NRG1: variants seen among roughly 807,000 people sequenced by gnomAD.
NRG1 encodes the protein neuregulin 1.
Under a neutral mutation model 63.8 loss-of-function variants are expected in NRG1, and 18 were observed. That is an observed-to-expected ratio of 0.28 (90% CI 0.19 to 0.42). The LOEUF is 0.42. Among genes scored for constraint, NRG1 ranks in the 10% least tolerant of loss-of-function variants. The pLI is 1.00. For synonymous variants in NRG1, 302 were observed against 301.3 expected (o/e 1.00, Z -0.02); for missense variants, 762 against 814.7 (o/e 0.94, Z 0.79).
At chr8:32,314,727 T>A (rs1404952521) in intron 1 of NRG1, among the ~76,000 whole-genome samples, 1 of 152,206 alleles carries the variant, frequency 6.6e-6, no homozygotes, top group Non-Finnish European at 1.5e-5. Context: ...GAGGAATGGC[T>A]GTATCTCTTC....
intron 1 of NRG1, among the ~76,000 whole-genome samples, chr8:31,692,062 G>A (rs1052893608): frequency 5.3e-5 from 8 of 152,064 alleles, no homozygotes; most frequent in African/African-American, 1.7e-4. Context: ...CGAACTTCTG[G>A]GCTCAAGCAA....
intron 1 of NRG1, among the ~76,000 whole-genome samples, chr8:32,019,932 C>A (rs1277397508): frequency 1.3e-5 from 2 of 152,176 alleles, no homozygotes; most frequent in African/African-American, 4.8e-5. Context: ...ACTCCTCCAG[C>A]TTCTTGTACA....
intron 1 of NRG1, among the ~76,000 whole-genome samples, chr8:32,565,454 T>C (rs1837275537): frequency 6.6e-6 from 1 of 152,148 alleles, no homozygotes; most frequent in African/African-American, 2.4e-5. Flanking sequence ...TGGACCTTCT[T>C]TCTCTGAACA....
At chr8:31,811,752 G>T (rs528720249) in intron 1 of NRG1, among the ~76,000 whole-genome samples, 1 of 152,246 alleles carries the variant, frequency 6.6e-6, no homozygotes, top group East Asian at 1.9e-4. Context: ...ATGGGTTTGA[G>T]GGTGGAAAAG....
At chr8:31,764,318 G>T (rs1054484514) in intron 1 of NRG1, among the ~76,000 whole-genome samples, 1 of 152,106 alleles carries the variant, frequency 6.6e-6, no homozygotes, top group Non-Finnish European at 1.5e-5. Context: ...TATTGACATT[G>T]ATACAGTCAT....
chr8:32,261,066 C>A (rs567780048), intron 1 of NRG1, among the ~76,000 whole-genome samples: 4 of 152,072 alleles, frequency 2.6e-5, no homozygotes, highest in Non-Finnish European at 5.9e-5. Flanking sequence ...CTAGGCATGA[C>A]CTTAGATTTA....
intron 1 of NRG1, among the ~76,000 whole-genome samples, chr8:31,672,640 T>C (rs1807271526): frequency 6.6e-6 from 1 of 152,118 alleles, no homozygotes; most frequent in Admixed American, 6.5e-5. Flanking sequence ...GAATAATTTG[T>C]AAGAATACTG....
chr8:32,101,864 G>A (rs545704096), intron 1 of NRG1, among the ~76,000 whole-genome samples: 24 of 152,246 alleles, frequency 1.6e-4, no homozygotes, highest in African/African-American at 4.8e-4. Context: ...GTACTAATAT[G>A]TAACTAGACC....
chr8:32,591,699 C>A (rs1256956082), intron 1 of NRG1, among the ~76,000 whole-genome samples: 1 of 151,988 alleles, frequency 6.6e-6, no homozygotes, highest in African/African-American at 2.4e-5. Flanking sequence ...ATTATTAACT[C>A]AAATATTTAC....
intron 1 of NRG1, among the ~76,000 whole-genome samples, chr8:32,325,443 A>T (rs1356313843): frequency 1.3e-5 from 2 of 152,196 alleles, no homozygotes; most frequent in African/African-American, 4.8e-5. Context: ...GTGCAGTGGC[A>T]CAAACGTGGC....
At chr8:31,907,035 A>G (rs1287798665) in intron 1 of NRG1, among the ~76,000 whole-genome samples, 1 of 152,202 alleles carries the variant, frequency 6.6e-6, no homozygotes, top group Non-Finnish European at 1.5e-5. Context: ...CAGAGAAACA[A>G]GAAACCTCAG....
intron 1 of NRG1, among the ~76,000 whole-genome samples, chr8:32,405,910 A>G (rs1813908120): frequency 6.6e-6 from 1 of 152,212 alleles, no homozygotes; most frequent in African/African-American, 2.4e-5. Flanking sequence ...ATCCTCACTA[A>G]TTCTTTCTAA....
intron 1 of NRG1, among the ~76,000 whole-genome samples, chr8:32,571,945 C>T (rs1364057904): frequency 6.6e-6 from 1 of 152,102 alleles, no homozygotes. Context: ...GAACTCAATC[C>T]GTAAACTGAT....
chr8:32,153,133 G>A (rs79325503), intron 1 of NRG1, among the ~76,000 whole-genome samples: 8,740 of 152,202 alleles, frequency 0.057, 479 homozygotes, highest in African/African-American at 0.14. Context: ...ATTGTGGCTG[G>A]GATTTGGGGG....
At chr8:31,717,900 G>A (rs1812518187) in intron 1 of NRG1, among the ~76,000 whole-genome samples, 1 of 152,114 alleles carries the variant, frequency 6.6e-6, no homozygotes, top group Admixed American at 6.5e-5. Flanking sequence ...TACCACTCTG[G>A]AAACAGATTG....
chr8:32,375,256 G>A (rs1809471812), intron 1 of NRG1, among the ~76,000 whole-genome samples: 1 of 151,942 alleles, frequency 6.6e-6, no homozygotes, highest in Non-Finnish European at 1.5e-5. Flanking sequence ...GGGATTACAG[G>A]TGCGAGCCAC....
chr8:32,763,890 T>C (rs760406723), exon 12 of NRG1: 1 of 1,614,068 alleles, frequency 6.2e-7, no homozygotes, highest in East Asian at 2.2e-5. Context: ...GGTCAGCCCC[T>C]TCATGGAAGA....
chr8:32,282,963 G>A (rs535002088), intron 1 of NRG1, among the ~76,000 whole-genome samples: 3 of 151,932 alleles, frequency 2.0e-5, no homozygotes, highest in Non-Finnish European at 4.4e-5. Context: ...ATATATATGT[G>A]GTTTTGATCA....
chr8:32,360,513 A>G (rs936949291), intron 1 of NRG1, among the ~76,000 whole-genome samples: 2 of 152,186 alleles, frequency 1.3e-5, no homozygotes, highest in South Asian at 2.1e-4. Flanking sequence ...AATTAATAGC[A>G]TGTTCTTTTT....
Sources: gnomAD v4.1 joint callset for allele counts (sites outside exome capture counted in the v4.1 genomes callset) on GRCh38, gnomAD v4.1.1 for gene constraint, MANE v1.5 for transcripts, NCBI Gene and HGNC (gene_info 2026-07-23, HGNC 2026-07-21) for gene names.